The following DNAAF4 variants were observed in gnomAD, a reference collection of about 807,000 sequenced individuals.
DNAAF4 encodes dynein assembly factor 4, axonemal.
DNAAF4 carries 43 observed loss-of-function variants against 51.8 expected under a neutral mutation model. The observed-to-expected ratio is 0.83, with a 90% CI of 0.65 to 1.07. The LOEUF (loss-of-function observed/expected upper bound fraction) is 1.07. DNAAF4 is among the 50% of genes least tolerant of loss of function. DNAAF4 has a pLI of 0.00. For synonymous variants in DNAAF4, 194 were observed against 165.6 expected (o/e 1.17, Z -1.32); for missense variants, 581 against 493.0 (o/e 1.18, Z -1.69).
chr15:55,497,611 A>G (rs1361118260), intron 3 of DNAAF4, 101 bp downstream of exon 3: 3 of 1,365,514 alleles, frequency 2.2e-6, no homozygotes, highest in African/African-American at 1.5e-5. Flanking sequence ...AAAAAAATCT[A>G]TCTTCCCCTA....
chr15:55,487,470 A>G (rs1028943379), intron 4 of DNAAF4, among the ~76,000 whole-genome samples: 1 of 151,924 alleles, frequency 6.6e-6, no homozygotes, highest in Non-Finnish European at 1.5e-5. Flanking sequence ...AAAGCTGGCC[A>G]CCCCAGCCAG....
chr15:55,458,448 T>G (rs1434242673), intron 5 of DNAAF4, among the ~76,000 whole-genome samples: 1 of 151,934 alleles, frequency 6.6e-6, no homozygotes, highest in African/African-American at 2.4e-5. Context: ...ACTTCAGAGA[T>G]CAAAGACAAG....
At chr15:55,467,228 T>G (rs969388692) in intron 4 of DNAAF4, 67 bp from the exon 5 acceptor site, 36 of 1,327,604 alleles carry the variant, frequency 2.7e-5, no homozygotes, top group Non-Finnish European at 3.3e-5. Context: ...AATGAGAAAT[T>G]CATTACAATA....
chr15:55,473,858 G>A (rs1427569734), intron 4 of DNAAF4, among the ~76,000 whole-genome samples: 2 of 151,966 alleles, frequency 1.3e-5, no homozygotes, highest in Non-Finnish European at 1.5e-5. Context: ...TGGGCGTGGT[G>A]GCACACAACT....
intron 6 of DNAAF4, chr15:55,443,315 G>T: frequency 7.8e-7 from 1 of 1,278,740 alleles, no homozygotes; most frequent in Admixed American, 2.2e-5. Context: ...GGCTGGCAAA[G>T]GGCCCCCAGC....
intron 8 of DNAAF4, among the ~76,000 whole-genome samples, chr15:55,433,902 T>A (rs369782636): frequency 0.014 from 136 of 9,788 alleles, 3 homozygotes; most frequent in African/African-American, 0.018. Flanking sequence ...ATATTATATA[T>A]ATTATATATA....
intron 8 of DNAAF4, among the ~76,000 whole-genome samples, chr15:55,433,461 C>T (rs943684468): frequency 6.6e-6 from 1 of 151,562 alleles, no homozygotes; most frequent in Non-Finnish European, 1.5e-5. Flanking sequence ...CCCGTCTCTA[C>T]TAAAAATACA....
chr15:55,428,495 T>C (rs1302366799), downstream of DNAAF4, among the ~76,000 whole-genome samples: 30 of 133,126 alleles, frequency 2.3e-4, no homozygotes, highest in East Asian at 8.7e-4. Context: ...TTTTTTTTTT[T>C]TTTTTTTTTT....
At chr15:55,494,325 G>A (rs565101045) in intron 3 of DNAAF4, among the ~76,000 whole-genome samples, 23 of 151,828 alleles carry the variant, frequency 1.5e-4, no homozygotes, top group African/African-American at 3.1e-4. Context: ...CAGCGCGCCC[G>A]GCAAACTGAG....
At chr15:55,488,323 G>T (rs76124055) in intron 4 of DNAAF4, among the ~76,000 whole-genome samples, 10 of 152,226 alleles carry the variant, frequency 6.6e-5, no homozygotes, top group Non-Finnish European at 1.5e-4. Flanking sequence ...TTTTTAAAAG[G>T]TTACTACTTA....
intron 7 of DNAAF4, among the ~76,000 whole-genome samples, chr15:55,438,190 G>T (rs2057647575): frequency 6.6e-6 from 1 of 151,814 alleles, no homozygotes; most frequent in Admixed American, 6.6e-5. Context: ...GGCCAACATG[G>T]TGAAACAAAA....
chr15:55,498,430 G>T lies in DNAAF4; in HGVS notation c.-101C>A. 4 of 1,489,438 alleles carry T rather than the reference G, an allele frequency of 2.7e-6. No homozygotes were observed. Among genetic ancestry groups the T allele is most frequent in the Admixed American group, 2.4e-5 (1 of 40,822 alleles). 92.3% of individuals were successfully genotyped at this position (1,489,438 alleles called of 1,614,324 possible). ...CCATGCGCCAGCCCTTCCGGGTCAG[G>T]CCGGCCGGGAGCCCGGCGTTCCCAG... On this transcript the variant is annotated 5_prime_UTR_variant, in exon 2 of 10. Coordinates refer to ENST00000321149, the MANE Select transcript of DNAAF4 (RefSeq NM_130810.4).
chr15:55,438,980 G>C (rs1022780796), intron 7 of DNAAF4, among the ~76,000 whole-genome samples: 10 of 152,038 alleles, frequency 6.6e-5, no homozygotes, highest in Non-Finnish European at 1.5e-4. Flanking sequence ...AATAAAATTA[G>C]AGCCTCATTG....
chr15:55,434,559 G>A (rs755078500), intron 8 of DNAAF4, among the ~76,000 whole-genome samples: 79 of 152,184 alleles, frequency 5.2e-4, no homozygotes, highest in African/African-American at 1.3e-3. Flanking sequence ...GGTGCCGGGC[G>A]CGGTGGCTCA....
rs562604502 is a variant in DNAAF4, at chr15:55,458,844, C to T, written c.637+8086G>A. Among the ~76,000 whole-genome samples, 9 of 152,082 alleles carry T rather than the reference C, an allele frequency of 5.9e-5. No individual in the cohort carries two copies. The East Asian group carries it at 1.2e-3, about 20-fold the overall frequency. On this transcript the variant is annotated intron_variant, in intron 5 of 9. Coordinates refer to ENST00000321149, the MANE Select transcript of DNAAF4 (RefSeq NM_130810.4). ...ATCTCAGCACTTTGGGAGGCCAAGGCGGGTGGATCACGAGGTCAGGAGTTC... is the reference window on the plus strand; with the variant it reads ...ATCTCAGCACTTTGGGAGGCCAAGGTGGGTGGATCACGAGGTCAGGAGTTC...
chr15:55,439,500 T>C lies in DNAAF4; in HGVS notation c.865A>G (p.Asn289Asp). Residue 289 changes from asparagine (N) to aspartate (D), a missense_variant, in exon 7 of 10, where the codon AAC becomes GAC. Transcript: ENST00000321149. Reference sequence around the variant, plus strand: ...CCTTTATCCTTCAACCATTCTGGGTTCTTTTCTTCTTCTTTTAAATCGCAA... The same window carrying C: ...CCTTTATCCTTCAACCATTCTGGGTCCTTTTCTTCTTCTTTTAAATCGCAA... Reference protein sequence around the residue: ...ELCDLKEEEKNPEWLKDKGNK... With the variant: ...ELCDLKEEEKDPEWLKDKGNK... The C allele has an allele frequency of 6.2e-7, 1 of 1,614,108 alleles. No individual in the cohort carries two copies. The highest frequency in any genetic ancestry group is 8.5e-7 in the Non-Finnish European group (1 of 1,179,966).
At chr15:55,472,580 T>C (rs774345414) in intron 4 of DNAAF4, among the ~76,000 whole-genome samples, 1 of 152,064 alleles carries the variant, frequency 6.6e-6, no homozygotes, top group South Asian at 2.1e-4. Flanking sequence ...ATCGCCCCAC[T>C]GCACTCTAGC....
In DNAAF4 at chr15:55,484,487, GA is replaced by G. The variant is rs781426367; in HGVS notation, c.405+6635del. ...GCAACAGAGTGAGACTCCGTCTCAG[GA>G]AAAAAAAAAAAAAAAACAGAATTAC... On this transcript the variant is annotated intron_variant, in intron 4 of 9. Transcript: ENST00000321149. Among the ~76,000 whole-genome samples, 933 of 104,566 alleles carry G rather than the reference GA, an allele frequency of 8.9e-3. 9 individuals are homozygous for G. Among genetic ancestry groups the G allele is most frequent in the African/African-American group, 0.031 (812 of 26,566 alleles). The allele number at this position is 104,566 out of a possible 152,430, so 68.6% of individuals were successfully genotyped here.
intron 4 of DNAAF4, among the ~76,000 whole-genome samples, chr15:55,475,781 G>C (rs955022512): frequency 3.9e-5 from 6 of 152,160 alleles, no homozygotes; most frequent in African/African-American, 1.4e-4. Context: ...GCTCATTTCC[G>C]GGTAGGGCAG....
Sources: gnomAD v4.1 joint callset for allele counts (sites outside exome capture counted in the v4.1 genomes callset) on GRCh38, gnomAD v4.1.1 for gene constraint, MANE v1.5 for transcripts, NCBI Gene and HGNC (gene_info 2026-07-23, HGNC 2026-07-21) for gene names.